Variants in NDUFA10 observed in about 807,000 individuals in gnomAD.
NDUFA10 encodes NADH dehydrogenase [ubiquinone] 1 alpha subcomplex subunit 10, mitochondrial.
In NDUFA10, 40 loss-of-function variants were observed where a neutral mutation model predicts 47.8. The ratio of observed to expected loss-of-function variants is 0.84; its 90% CI spans 0.65 to 1.09. The LOEUF is 1.09. Ranked by LOEUF, NDUFA10 falls within the 50% of genes least tolerant of loss-of-function variation. The pLI, the probability that NDUFA10 is intolerant of heterozygous loss-of-function variation, is 0.00. For synonymous variants in NDUFA10, 183 were observed against 172.2 expected (o/e 1.06, Z -0.49); for missense variants, 413 against 451.1 (o/e 0.92, Z 0.76).
intron 9 of NDUFA10, among the ~76,000 whole-genome samples, chr2:239,986,751 A>G (rs1696018433): frequency 6.6e-6 from 1 of 152,234 alleles, no homozygotes; most frequent in Non-Finnish European, 1.5e-5. Context: ...AATGGATGCT[A>G]AAACTACTGA....
intron 8 of NDUFA10, among the ~76,000 whole-genome samples, chr2:240,002,056 G>T (rs569031759): frequency 6.6e-6 from 1 of 152,230 alleles, no homozygotes; most frequent in South Asian, 2.1e-4. Flanking sequence ...GAAGGCCGGC[G>T]CAGTGGCTCC....
chr2:240,025,341 G>A lies in NDUFA10; in HGVS notation c.-40C>T. 5 of 1,467,650 alleles carry A rather than the reference G, an allele frequency of 3.4e-6. No individual in the cohort carries two copies. Among genetic ancestry groups the A allele is most frequent in the South Asian group, 2.6e-5 (2 of 76,804 alleles). 90.9% of individuals were successfully genotyped at this position (1,467,650 alleles called of 1,614,324 possible). A position where few individuals can be genotyped will look rare whatever the true frequency, so the allele number is the denominator to read the frequency against. The stretch of plus-strand genomic sequence containing the variant: ...CTCAGGATCAAGGACCCAAGGGGAC[G>A]CGGTCGCGACGGGGCCCTCTCTCGC... On this transcript the variant is annotated 5_prime_UTR_variant, in exon 1 of 10. Coordinates refer to ENST00000252711, the MANE Select transcript of NDUFA10 (RefSeq NM_004544.4).
intron 8 of NDUFA10, among the ~76,000 whole-genome samples, chr2:240,000,416 A>G (rs896415643): frequency 6.6e-6 from 1 of 152,248 alleles, no homozygotes; most frequent in African/African-American, 2.4e-5. Flanking sequence ...AAAGTTTAAA[A>G]AGTAAAAATA....
chr2:239,965,300 C>T (rs1347845646), intron 9 of NDUFA10, among the ~76,000 whole-genome samples: 1 of 151,186 alleles, frequency 6.6e-6, no homozygotes, highest in Non-Finnish European at 1.5e-5. Flanking sequence ...AACAGAGAAC[C>T]ATGCGGGGGG....
chr2:240,005,126 CA>C (rs1696892834), intron 8 of NDUFA10, 83 bp downstream of exon 8: 2 of 1,242,312 alleles, frequency 1.6e-6, no homozygotes, highest in South Asian at 1.2e-5. Context: ...TAACTTGAAA[CA>C]TAATTATTTC....
intron 8 of NDUFA10, among the ~76,000 whole-genome samples, chr2:240,003,409 T>G (rs948657893): frequency 6.6e-6 from 1 of 152,218 alleles, no homozygotes; most frequent in Non-Finnish European, 1.5e-5. Flanking sequence ...CCGGCCATCC[T>G]TGTGCCTCCA....
chr2:239,938,947 A>G (rs1405985234), intron 4 of NDUFA10, among the ~76,000 whole-genome samples: 2 of 152,152 alleles, frequency 1.3e-5, no homozygotes, highest in East Asian at 1.9e-4. Flanking sequence ...TGGAGGAAAC[A>G]TTCCTCGGCG....
At chr2:239,895,354 G>A in intron 4 of NDUFA10, 1 of 422,734 alleles carries the variant, frequency 2.4e-6, no homozygotes, top group Non-Finnish European at 5.0e-6. Context: ...GCATATGAGT[G>A]AGGAGGGGAG....
chr2:239,926,495 T>A (rs1367388134), intron 4 of NDUFA10, among the ~76,000 whole-genome samples: 2 of 152,214 alleles, frequency 1.3e-5, no homozygotes, highest in Non-Finnish European at 2.9e-5. Context: ...TATACAAGTC[T>A]AGCACATGCA....
chr2:239,955,538 G>A (rs1694636058), downstream of NDUFA10, among the ~76,000 whole-genome samples: 1 of 152,184 alleles, frequency 6.6e-6, no homozygotes, highest in South Asian at 2.1e-4. Flanking sequence ...TTCCTAAGGT[G>A]GCTCTTGGAG....
At chr2:239,902,091 C>T (rs1307010952) in intron 4 of NDUFA10, among the ~76,000 whole-genome samples, 1 of 152,060 alleles carries the variant, frequency 6.6e-6, no homozygotes, top group African/African-American at 2.4e-5. Context: ...ACATAAACTT[C>T]GTTAATAAAG....
At chr2:240,013,250 G>A (rs958099424) in intron 5 of NDUFA10, 1 of 152,122 alleles carries the variant, frequency 6.6e-6, no homozygotes, top group Non-Finnish European at 1.5e-5. Context: ...ATCAAAATAA[G>A]AACACAGACT....
intron 4 of NDUFA10, among the ~76,000 whole-genome samples, chr2:239,918,448 T>C (rs1693914455): frequency 6.6e-6 from 1 of 152,182 alleles, no homozygotes; most frequent in South Asian, 2.1e-4. Flanking sequence ...GGAGACTTCC[T>C]CTTGAGCCCC....
intron 4 of NDUFA10, among the ~76,000 whole-genome samples, chr2:239,922,493 A>G (rs771871820): frequency 6.6e-6 from 1 of 152,176 alleles, no homozygotes; most frequent in Non-Finnish European, 1.5e-5. Flanking sequence ...TCTCCCACAC[A>G]TGGATGTCTT....
chr2:239,978,252 A>G (rs953038850), intron 9 of NDUFA10, among the ~76,000 whole-genome samples: 1 of 152,130 alleles, frequency 6.6e-6, no homozygotes, highest in African/African-American at 2.4e-5. Context: ...AAACAAGACA[A>G]AATAACAAGC....
At chr2:239,944,938 C>T (rs1175954854) in intron 4 of NDUFA10, among the ~76,000 whole-genome samples, 1 of 151,828 alleles carries the variant, frequency 6.6e-6, no homozygotes, top group Admixed American at 6.5e-5. Context: ...ACTGGCCCTC[C>T]CAGGCTGCAC....
At chr2:239,961,976 G>T (rs1166535073) in intron 9 of NDUFA10, among the ~76,000 whole-genome samples, 2 of 152,184 alleles carry the variant, frequency 1.3e-5, no homozygotes, top group African/African-American at 4.8e-5. Context: ...AGGGCACAGG[G>T]AGATCTGGGG....
chr2:239,962,875 G>A (rs1015349420), intron 9 of NDUFA10, among the ~76,000 whole-genome samples: 47 of 152,196 alleles, frequency 3.1e-4, no homozygotes, highest in Middle Eastern at 3.4e-3. Flanking sequence ...AGAGGTCGAC[G>A]CGCACTCTGT....
intron 4 of NDUFA10, among the ~76,000 whole-genome samples, chr2:239,896,342 A>C (rs66839459): frequency 6.6e-6 from 1 of 152,224 alleles, no homozygotes; most frequent in Non-Finnish European, 1.5e-5. Flanking sequence ...CATTAAGCCC[A>C]GCACAGAGCC....
Sources: gnomAD v4.1 joint callset for allele counts (sites outside exome capture counted in the v4.1 genomes callset) on GRCh38, gnomAD v4.1.1 for gene constraint, MANE v1.5 for transcripts, NCBI Gene and HGNC (gene_info 2026-07-23, HGNC 2026-07-21) for gene names.